USP34: variants seen among roughly 807,000 people sequenced by gnomAD.
USP34 encodes ubiquitin carboxyl-terminal hydrolase 34.
In USP34, 70 loss-of-function variants were observed where a neutral mutation model predicts 460.3. The observed-to-expected ratio is 0.15, with a 90% CI of 0.13 to 0.19. The LOEUF is 0.19. Ranked by LOEUF, USP34 falls within the 10% of genes least tolerant of loss-of-function variation. The pLI is 1.00. For missense variants in USP34, 3,985 were observed against 4,236.2 expected (o/e 0.94, Z 1.65); for synonymous variants, 1,647 against 1,405.3 (o/e 1.17, Z -3.85).
chr2:61,365,466 A>G (rs1466323207), intron 10 of USP34, among the ~76,000 whole-genome samples: 1 of 152,194 alleles, frequency 6.6e-6, no homozygotes, highest in Non-Finnish European at 1.5e-5. Context: ...GGAAATGAGG[A>G]GAACATTCAC....
chr2:61,430,066 T>C lies in USP34; in HGVS notation c.44-9233A>G, dbSNP rs570746349. 2.6e-5 allele frequency among the ~76,000 whole-genome samples: 4 copies of C among 152,092 alleles called. 1 individual carries two copies. The South Asian group carries it at 8.3e-4, about 32-fold the overall frequency. On this transcript the variant is annotated intron_variant, in intron 1 of 79. Transcript: ENST00000398571. ...CCGTCTCTACTAAAAATACAAAAAA[T>C]TAGCCGCGCGTGGTGGTGGGCACCT...
At chr2:61,453,714 C>CAAAAAAAAAAAAAAAAAA in intron 1 of USP34, among the ~76,000 whole-genome samples, 1 of 31,934 alleles carries the variant, frequency 3.1e-5, no homozygotes, top group Non-Finnish European at 7.5e-5. Context: ...CATTCCATCT[C>CAAAAAAAAAAAAAAAAAA]AAAAAAAAAA....
chr2:61,381,878 G>T (rs756137903), intron 6 of USP34, among the ~76,000 whole-genome samples: 2 of 152,046 alleles, frequency 1.3e-5, no homozygotes, highest in Non-Finnish European at 2.9e-5. Context: ...GCCTCTCAAA[G>T]TCTTGTCTTT....
intron 20 of USP34, among the ~76,000 whole-genome samples, chr2:61,329,307 T>C (rs1691190710): frequency 6.6e-6 from 1 of 152,148 alleles, no homozygotes; most frequent in African/African-American, 2.4e-5. Flanking sequence ...ATTACAGCCA[T>C]GAGCCACCAT....
chr2:61,273,626 G>A (rs1689284591), intron 41 of USP34, among the ~76,000 whole-genome samples: 1 of 152,176 alleles, frequency 6.6e-6, no homozygotes, highest in Non-Finnish European at 1.5e-5. Context: ...GCTGAGGCAG[G>A]AGAATCGCTT....
chr2:61,295,681 G>A (rs1334503259), intron 30 of USP34, among the ~76,000 whole-genome samples: 1 of 152,100 alleles, frequency 6.6e-6, no homozygotes, highest in African/African-American at 2.4e-5. Flanking sequence ...ATGAACTCAG[G>A]AACACTGCTG....
At chr2:61,212,756 C>T (rs1455293496) in intron 68 of USP34, among the ~76,000 whole-genome samples, 2 of 152,080 alleles carry the variant, frequency 1.3e-5, no homozygotes, top group Admixed American at 6.6e-5. Flanking sequence ...AAAGACATTA[C>T]ATTTCACTGA....
intron 61 of USP34, among the ~76,000 whole-genome samples, chr2:61,228,165 ATCTCTTATGGT>A (rs1249455673): frequency 1.3e-5 from 2 of 152,224 alleles, no homozygotes; most frequent in African/African-American, 4.8e-5. Context: ...AAGGGTACTT[ATCTCTTATGGT>A]TAAGAAAAGG....
intron 42 of USP34, 114 bp from the exon 43 acceptor site, chr2:61,265,671 A>T: frequency 2.4e-6 from 2 of 847,562 alleles, no homozygotes; most frequent in Non-Finnish European, 3.3e-6. Context: ...ATATATATAG[A>T]ACATTATATA....
chr2:61,206,139 G>A lies in USP34; in HGVS notation c.9047-15C>T, dbSNP rs1322532367. ...TTGTTTCACATCTGCAAATATAAAA[G>A]CACATATAAATATGCCATCTGAGAT... On this transcript the variant is annotated splice_polypyrimidine_tract_variant and intron_variant, in intron 71 of 79. Coordinates refer to ENST00000398571, the MANE Select transcript of USP34 (RefSeq NM_014709.4). 1 of 1,604,954 alleles carries A rather than the reference G, an allele frequency of 6.2e-7. No individual in the cohort carries two copies. The highest frequency in any genetic ancestry group is 1.1e-5 in the South Asian group (1 of 90,838).
At chr2:61,276,473 T>G (rs539516467) in intron 41 of USP34, among the ~76,000 whole-genome samples, 1 of 152,310 alleles carries the variant, frequency 6.6e-6, no homozygotes, top group Admixed American at 6.5e-5. Flanking sequence ...TTTCTATAAA[T>G]ATGAATTTTA....
At chr2:61,363,601 G>A (rs554715543) in intron 10 of USP34, among the ~76,000 whole-genome samples, 2 of 152,308 alleles carry the variant, frequency 1.3e-5, no homozygotes, top group African/African-American at 4.8e-5. Flanking sequence ...ACAATGTCAT[G>A]AGGTGATACA....
At chr2:61,452,615 G>A (rs542015933) in intron 1 of USP34, among the ~76,000 whole-genome samples, 12 of 151,832 alleles carry the variant, frequency 7.9e-5, no homozygotes, top group Admixed American at 3.9e-4. Flanking sequence ...GTCAGCCACC[G>A]TGCTGGCCTG....
chr2:61,317,339 T>TC (rs1690780337), intron 23 of USP34, among the ~76,000 whole-genome samples: 1 of 152,014 alleles, frequency 6.6e-6, no homozygotes, highest in Non-Finnish European at 1.5e-5. Context: ...CCAGCCTGAG[T>TC]AACATGGTAA....
rs768584337 is a variant in USP34 at position 61,288,824 on chromosome 2, T to C, written c.4602A>G (p.Val1534=). Residue 1534 remains valine, a synonymous_variant, in exon 34 of 80, where the codon GTA becomes GTG. Transcript: ENST00000398571. ...CLLKLICQFA[V]DPSDLDLAYH... ...AAGCTAAATCCAAATCGGATGGATC[T>C]ACTGCAAACTGGCATATTAACTTCA... is the stretch of plus-strand genomic sequence containing the variant. The C allele has an allele frequency of 1.9e-6, 3 of 1,613,804 alleles. No homozygotes were observed. The highest frequency in any genetic ancestry group is 2.5e-6 in the Non-Finnish European group (3 of 1,179,948).
chr2:61,299,864 T>C (rs1690166221), intron 29 of USP34, among the ~76,000 whole-genome samples: 1 of 152,242 alleles, frequency 6.6e-6, no homozygotes, highest in Admixed American at 6.5e-5. Flanking sequence ...ATCCAAGTGA[T>C]TACCTGACAT....
intron 57 of USP34, among the ~76,000 whole-genome samples, chr2:61,235,435 C>T (rs1454257277): frequency 6.6e-6 from 1 of 151,414 alleles, no homozygotes; most frequent in African/African-American, 2.4e-5. Context: ...AAGCGATTCT[C>T]CTGCCTCCGC....
intron 1 of USP34, among the ~76,000 whole-genome samples, chr2:61,466,266 A>C (rs1177559115): frequency 6.6e-6 from 1 of 151,922 alleles, no homozygotes; most frequent in East Asian, 1.9e-4. Flanking sequence ...CTCTACTAAA[A>C]ATACAAAAAT....
chr2:61,394,810 G>A (rs1234872113), intron 5 of USP34, 43 bp downstream of exon 5: 1 of 1,421,868 alleles, frequency 7.0e-7, no homozygotes, highest in Non-Finnish European at 9.3e-7. Context: ...TGATATGCTA[G>A]ACATTGCTCC....
Sources: gnomAD v4.1 joint callset for allele counts (sites outside exome capture counted in the v4.1 genomes callset) on GRCh38, gnomAD v4.1.1 for gene constraint, MANE v1.5 for transcripts, NCBI Gene and HGNC (gene_info 2026-07-23, HGNC 2026-07-21) for gene names.